NOBOX: variants seen among roughly 807,000 people sequenced by gnomAD.
NOBOX encodes NOBOX oogenesis homeobox.
NOBOX carries 46 observed loss-of-function variants against 60.2 expected under a neutral mutation model. The ratio of observed to expected loss-of-function variants is 0.76; its 90% CI spans 0.60 to 0.98. The LOEUF (loss-of-function observed/expected upper bound fraction) is 0.98. Among genes scored for constraint, NOBOX ranks in the 50% least tolerant of loss-of-function variants. NOBOX has a pLI of 0.00. For synonymous variants in NOBOX, 360 were observed against 346.3 expected (o/e 1.04, Z -0.44); for missense variants, 880 against 865.5 (o/e 1.02, Z -0.21).
chr7:144,397,963 C>T (rs1452784609), intron 9 of NOBOX, among the ~76,000 whole-genome samples: 2 of 152,248 alleles, frequency 1.3e-5, no homozygotes, highest in East Asian at 3.9e-4. Context: ...TAATCCTCAC[C>T]AAGTCCCTCC....
downstream of NOBOX, among the ~76,000 whole-genome samples, chr7:144,397,041 CAG>C (rs2053897373): frequency 6.6e-6 from 1 of 152,234 alleles, no homozygotes; most frequent in South Asian, 2.1e-4. Flanking sequence ...GACCCCCACA[CAG>C]AGTGTGAAGA....
In NOBOX at chr7:144,410,161, C is replaced by T; in HGVS notation, c.67G>A (p.Gly23Ser). Residue 23 changes from glycine (G) to serine (S), a missense_variant, in exon 1 of 10, where the codon GGC becomes AGC. Transcript: ENST00000467773. ...AGCTCACCCTCCTGGGCTTTGAAGC[C>T]ATCCTTGTCTCTGGTGTCCCAGGTA... The T allele has an allele frequency of 2.6e-6, 4 of 1,567,674 alleles. No homozygotes were observed. The highest frequency in any genetic ancestry group is 3.5e-6 in the Non-Finnish European group (4 of 1,154,448).
chr7:144,399,367 T>C (rs563362898), intron 7 of NOBOX, 30 bp downstream of exon 5: 1 of 1,480,486 alleles, frequency 6.8e-7, no homozygotes, highest in Admixed American at 1.9e-5. Context: ...TAGTTGCCAT[T>C]TTCCCCCAGC....
Position 144,401,926 on chromosome 7 carries a change from G to T in NOBOX, c.235C>A (p.Pro79Thr). The change falls in exon 3 of 10, where the codon CCT (proline) becomes ACT (threonine). Residue 79 changes from proline (P) to threonine (T), a missense_variant. Pro to Thr is a conservative substitution (Grantham distance 38). Transcript: ENST00000467773. This position sits in a 1 kb window ranked among gnomAD's most constrained non-coding sequence, Gnocchi z 4.2. ...GGTATGAGTTTGAGGGACTGTTCAG[G>T]TATCTCTAAGGGATCATGTTGGGGC... 6.2e-7 allele frequency: 1 copy of T among 1,612,686 alleles called. No individual in the cohort carries two copies. Among genetic ancestry groups the T allele is most frequent in the Non-Finnish European group, 8.5e-7 (1 of 1,178,786 alleles).
intron 2 of NOBOX, among the ~76,000 whole-genome samples, chr7:144,402,984 T>C (rs1269016568): frequency 6.6e-6 from 1 of 152,160 alleles, no homozygotes; most frequent in Non-Finnish European, 1.5e-5. Flanking sequence ...CTCCAACTCC[T>C]GACCTCAGGT....
chr7:144,399,248 G>A (rs1276826655), intron 7 of NOBOX, 70 bp from the exon 6 acceptor site: 3 of 948,866 alleles, frequency 3.2e-6, no homozygotes, highest in Middle Eastern at 2.2e-4. Flanking sequence ...TCGCTGAATG[G>A]TAGACACAAG....
intron 2 of NOBOX, among the ~76,000 whole-genome samples, chr7:144,404,034 C>T (rs1402651033): frequency 6.6e-6 from 1 of 152,108 alleles, no homozygotes; most frequent in African/African-American, 2.4e-5. Context: ...AGCGAGGCTA[C>T]CCGGTGGTCT....
At chr7:144,397,689 C>G (rs549557442) in intron 9 of NOBOX, 148 bp from the exon 8 acceptor site, 7 of 690,650 alleles carry the variant, frequency 1.0e-5, no homozygotes, top group Non-Finnish European at 1.7e-5. Context: ...ACTCTAGCCT[C>G]AGGGTCTGTC....
rs768289751 is a variant in NOBOX, at chr7:144,404,630, A to G, written c.136T>C (p.Tyr46His). ...GAGCTGAAAGAGCCACAGACTCCGT[A>G]GATCCGGTACAGTCCACACACAGGA... The change falls in exon 2 of 10, where the codon TAC (tyrosine) becomes CAC (histidine). Residue 46 changes from tyrosine to histidine, a missense_variant. Coordinates refer to ENST00000467773, the MANE Select transcript of NOBOX (RefSeq NM_001080413.3). 1 of 1,613,994 alleles carries G rather than the reference A, an allele frequency of 6.2e-7. No homozygotes were observed. The highest frequency in any genetic ancestry group is 1.3e-5 in the African/African-American group (1 of 75,054).
intron 7 of NOBOX, 104 bp from the exon 6 acceptor site, chr7:144,399,282 G>C: frequency 1.0e-6 from 1 of 956,864 alleles, no homozygotes; most frequent in Non-Finnish European, 1.6e-6. Context: ...CCCCTGAATA[G>C]GCCCTGCTGG....
chr7:144,406,448 C>T (rs1290858975), intron 1 of NOBOX, among the ~76,000 whole-genome samples: 1 of 152,058 alleles, frequency 6.6e-6, no homozygotes, highest in African/African-American at 2.4e-5. Flanking sequence ...ATCCCAGCTA[C>T]TTGGGAGGCT....
intron 5 of NOBOX, 132 bp from the exon 4 acceptor site, chr7:144,399,995 G>A: frequency 7.6e-6 from 10 of 1,320,820 alleles, no homozygotes; most frequent in Non-Finnish European, 1.1e-5. Flanking sequence ...CCCTCCGTCA[G>A]GCTGGTTTTA....
At chr7:144,409,508 C>T (rs1664627435) in intron 1 of NOBOX, among the ~76,000 whole-genome samples, 1 of 152,158 alleles carries the variant, frequency 6.6e-6, no homozygotes, top group Non-Finnish European at 1.5e-5. Context: ...TAATTTCAGG[C>T]ATGTCTCCCT....
intron 1 of NOBOX, among the ~76,000 whole-genome samples, chr7:144,409,930 C>T (rs188929830): frequency 1.7e-3 from 263 of 152,316 alleles, no homozygotes; most frequent in African/African-American, 6.0e-3. Context: ...AGAAATGTCC[C>T]TGAACAAGGT....
Position 144,398,479 on chromosome 7 carries a change from G to A in NOBOX, c.1577C>T (p.Pro526Leu), listed in dbSNP as rs375281883. ...CTTGGGCTGAGGGGACTGGAAAAGC[G>A]GGGGCTGTGGAGCCTGGGAGAACTG... The change falls in exon 9 of 10, where the codon CCG (proline) becomes CTG (leucine). Residue 526 changes from proline (P) to leucine (L), a missense_variant. Pro to Leu is a moderately conservative substitution (Grantham distance 98). Transcript: ENST00000467773. 46 of 1,537,112 alleles carry A rather than the reference G, an allele frequency of 3.0e-5. 1 individual carries two copies. Among genetic ancestry groups the A allele is most frequent in the Non-Finnish European group, 3.1e-5 (35 of 1,146,854 alleles).
intron 6 of NOBOX, 136 bp from the exon 5 acceptor site, chr7:144,399,618 CA>C (rs1203389307): frequency 1.8e-6 from 2 of 1,119,064 alleles, no homozygotes; most frequent in Admixed American, 2.1e-5. Flanking sequence ...CCATGGCAGC[CA>C]AAATCCCTCT....
intron 2 of NOBOX, chr7:144,403,682 T>G (rs945972987): frequency 4.3e-6 from 3 of 693,482 alleles, no homozygotes; most frequent in Non-Finnish European, 5.3e-6. Context: ...AGGGATTCTC[T>G]GTGGGTTCCA....
Position 144,401,634 on chromosome 7 carries a change from G to A in NOBOX, c.293-37C>T. 1 of 1,492,064 alleles carries A rather than the reference G, an allele frequency of 6.7e-7. No individual in the cohort carries two copies. The highest frequency in any genetic ancestry group is 2.3e-5 in the East Asian group (1 of 43,898). 92.4% of individuals were successfully genotyped at this position (1,492,064 alleles called of 1,614,324 possible). On this transcript the variant is annotated intron_variant, in intron 3 of 9. Transcript: ENST00000467773. This position sits in a 1 kb window ranked among gnomAD's most constrained non-coding sequence, Gnocchi z 4.2. ...CAACATCCACTGACCTTAGCACCAGGGAGAAGGAAGAACTGGACCAAGAGG... is the reference window on the plus strand; with the variant it reads ...CAACATCCACTGACCTTAGCACCAGAGAGAAGGAAGAACTGGACCAAGAGG...
At chr7:144,402,867 G>A (rs551560896) in intron 2 of NOBOX, among the ~76,000 whole-genome samples, 12 of 145,794 alleles carry the variant, frequency 8.2e-5, no homozygotes, top group East Asian at 2.1e-4. Flanking sequence ...AGCGATTCTC[G>A]TGCCTCTGCC....
Sources: gnomAD v4.1 joint callset for allele counts (sites outside exome capture counted in the v4.1 genomes callset) on GRCh38, gnomAD v4.1.1 for gene constraint, Gnocchi (gnomAD v3.1) non-coding constraint, MANE v1.5 for transcripts, NCBI Gene and HGNC (gene_info 2026-07-23, HGNC 2026-07-21) for gene names.